Variants in CNTN5 observed in about 807,000 individuals in gnomAD.
CNTN5 encodes contactin 5.
In CNTN5, 77 loss-of-function variants were observed where a neutral mutation model predicts 129.1. That is an observed-to-expected ratio of 0.60 (90% confidence interval 0.50 to 0.72). The LOEUF is 0.72. Ranked by LOEUF, CNTN5 falls within the 30% of genes least tolerant of loss-of-function variation. The pLI is 0.00. For missense variants in CNTN5, 1,478 were observed against 1,328.8 expected (o/e 1.11, Z -1.75); for synonymous variants, 509 against 465.6 (o/e 1.09, Z -1.20).
intron 13 of CNTN5, among the ~76,000 whole-genome samples, chr11:100,159,911 T>A (rs912317235): frequency 1.3e-5 from 2 of 151,928 alleles, no homozygotes; most frequent in African/African-American, 4.8e-5. Flanking sequence ...GTGCACTCAC[T>A]TTATCACAAC....
intron 2 of CNTN5, among the ~76,000 whole-genome samples, chr11:99,517,872 G>A (rs1340759619): frequency 1.3e-5 from 2 of 152,088 alleles, no homozygotes; most frequent in Non-Finnish European, 2.9e-5. Flanking sequence ...TTAGGACAGG[G>A]ACAATGTTAT....
At chr11:99,245,474 T>G (rs1404647805) in intron 1 of CNTN5, among the ~76,000 whole-genome samples, 1 of 152,036 alleles carries the variant, frequency 6.6e-6, no homozygotes, top group Non-Finnish European at 1.5e-5. Flanking sequence ...ACTGCCTCCA[T>G]GCCCGGCTAA....
At chr11:100,085,453 T>C (rs1208986496) in intron 13 of CNTN5, among the ~76,000 whole-genome samples, 2 of 152,012 alleles carry the variant, frequency 1.3e-5, no homozygotes, top group Non-Finnish European at 2.9e-5. Flanking sequence ...TTTATTTCCA[T>C]AAAAACTAAA....
intron 10 of CNTN5, among the ~76,000 whole-genome samples, chr11:100,066,645 G>A (rs1032579069): frequency 6.6e-6 from 1 of 151,908 alleles, no homozygotes; most frequent in African/African-American, 2.4e-5. Flanking sequence ...CCTAAAATAG[G>A]TGGCTTGACA....
intron 1 of CNTN5, among the ~76,000 whole-genome samples, chr11:99,073,333 T>C (rs2135255235): frequency 6.6e-6 from 1 of 151,264 alleles, no homozygotes; most frequent in East Asian, 2.0e-4. Context: ...GCCAGACATG[T>C]GCATGCGTTA....
intron 9 of CNTN5, among the ~76,000 whole-genome samples, chr11:100,019,523 T>A (rs1844677116): frequency 6.6e-6 from 1 of 151,962 alleles, no homozygotes; most frequent in African/African-American, 2.4e-5. Context: ...ATGACAGGAT[T>A]TCCTTCTTTT....
chr11:99,764,768 G>A (rs1944697806), intron 3 of CNTN5, among the ~76,000 whole-genome samples: 1 of 152,086 alleles, frequency 6.6e-6, no homozygotes, highest in African/African-American at 2.4e-5. Flanking sequence ...AATAGAATTT[G>A]GAATCTGGTG....
intron 6 of CNTN5, among the ~76,000 whole-genome samples, chr11:99,907,616 A>G (rs1949544325): frequency 6.6e-6 from 1 of 151,768 alleles, no homozygotes; most frequent in Admixed American, 6.6e-5. Flanking sequence ...ATTATATGTC[A>G]AACACTATAA....
At chr11:99,745,349 TC>T (rs935797907) in intron 3 of CNTN5, among the ~76,000 whole-genome samples, 1 of 152,224 alleles carries the variant, frequency 6.6e-6, no homozygotes, top group Admixed American at 6.5e-5. Context: ...AACATTTTTA[TC>T]CCAAATTTAT....
chr11:99,786,105 C>T (rs942692254), intron 3 of CNTN5, among the ~76,000 whole-genome samples: 1 of 151,980 alleles, frequency 6.6e-6, no homozygotes, highest in Non-Finnish European at 1.5e-5. Flanking sequence ...TTTAGAAAAC[C>T]CCGTCGTCTC....
intron 18 of CNTN5, among the ~76,000 whole-genome samples, chr11:100,276,620 G>T (rs1950519901): frequency 6.6e-6 from 1 of 150,872 alleles, no homozygotes; most frequent in South Asian, 2.1e-4. Flanking sequence ...CTTAGTATTA[G>T]GATGTCAAAA....
intron 6 of CNTN5, among the ~76,000 whole-genome samples, chr11:99,875,192 T>A (rs1948601265): frequency 6.6e-6 from 1 of 152,204 alleles, no homozygotes; most frequent in African/African-American, 2.4e-5. Flanking sequence ...TTACCAGGAA[T>A]GACAGAATAG....
At chr11:100,156,549 A>T (rs774717273) in intron 13 of CNTN5, among the ~76,000 whole-genome samples, 6 of 151,734 alleles carry the variant, frequency 4.0e-5, no homozygotes, top group Non-Finnish European at 7.4e-5. Flanking sequence ...CTCTTTTTCT[A>T]TTGTTTGGAA....
At chr11:99,430,378 C>T (rs1223796488) in intron 2 of CNTN5, among the ~76,000 whole-genome samples, 1 of 145,514 alleles carries the variant, frequency 6.9e-6, no homozygotes, top group Non-Finnish European at 1.5e-5. Context: ...TGTGTGCACG[C>T]ATGTGTGTAT....
At chr11:100,003,149 TA>T (rs1256736438) in intron 9 of CNTN5, among the ~76,000 whole-genome samples, 2 of 152,138 alleles carry the variant, frequency 1.3e-5, no homozygotes, top group Non-Finnish European at 2.9e-5. Flanking sequence ...AAATAAGACA[TA>T]TATGCAATTC....
intron 8 of CNTN5, among the ~76,000 whole-genome samples, chr11:99,990,213 A>T (rs1938976254): frequency 6.6e-6 from 1 of 152,134 alleles, no homozygotes; most frequent in South Asian, 2.1e-4. Flanking sequence ...AGACATGAAT[A>T]TATTTCTCTA....
intron 3 of CNTN5, among the ~76,000 whole-genome samples, chr11:99,795,851 A>G (rs1408669081): frequency 6.6e-6 from 1 of 152,026 alleles, no homozygotes; most frequent in African/African-American, 2.4e-5. Flanking sequence ...GAGGTTAGGA[A>G]CTTGCAGTTC....
intron 23 of CNTN5, among the ~76,000 whole-genome samples, chr11:100,345,217 A>G (rs148983158): frequency 3.2e-4 from 48 of 152,274 alleles, no homozygotes; most frequent in African/African-American, 1.1e-3. Context: ...ATGAGGGTCC[A>G]CTTTTGGTTT....
At chr11:99,427,014 G>A (rs947589449) in intron 2 of CNTN5, among the ~76,000 whole-genome samples, 9 of 152,190 alleles carry the variant, frequency 5.9e-5, no homozygotes, top group East Asian at 1.9e-4. Context: ...AAATTATTTC[G>A]ATAAAACATA....
Sources: allele counts gnomAD v4.1 joint callset (sites outside exome capture counted in the v4.1 genomes callset), GRCh38; gene constraint gnomAD v4.1.1; transcripts MANE v1.5; gene names NCBI Gene and HGNC (gene_info 2026-07-23, HGNC 2026-07-21).